The following ZNF679 variants were observed in gnomAD, a reference collection of about 807,000 sequenced individuals.
ZNF679 encodes zinc finger protein 679.
ZNF679 carries 10 observed loss-of-function variants against 13.4 expected under a neutral mutation model. The observed-to-expected ratio is 0.75, with a 90% CI of 0.46 to 1.27. ZNF679 has a LOEUF of 1.27. Ranked by LOEUF, ZNF679 falls within the 50% of genes most tolerant of loss-of-function variation. ZNF679 has a pLI of 0.00. For missense variants in ZNF679, 525 were observed against 477.8 expected (o/e 1.10, Z -0.92); for synonymous variants, 179 against 162.5 (o/e 1.10, Z -0.77).
Position 64,229,501 on chromosome 7 carries a change from T to C in ZNF679, c.-91+849T>C, listed in dbSNP as rs560493796. Among the ~76,000 whole-genome samples the C allele has an allele frequency of 2.4e-4, 37 of 152,258 alleles. 1 individual carries two copies. In the South Asian group the frequency reaches 7.1e-3, roughly 29 times the overall value. On this transcript the variant is annotated intron_variant, in intron 1 of 4. Coordinates refer to ENST00000421025, the MANE Select transcript of ZNF679 (RefSeq NM_153363.3). ...GTGGTCTGCATCCATATGTGAGATTTATAACCTCACCAGTGGGCTGTGTCT... is the reference window on the plus strand; with the variant it reads ...GTGGTCTGCATCCATATGTGAGATTCATAACCTCACCAGTGGGCTGTGTCT...
chr7:64,244,130 A>G (rs1349446234), intron 1 of ZNF679, among the ~76,000 whole-genome samples: 1 of 152,040 alleles, frequency 6.6e-6, no homozygotes, highest in African/African-American at 2.4e-5. Context: ...GGCATGTGCA[A>G]TGTCAGCTAC....
At chr7:64,235,771 A>G (rs779582793) in intron 1 of ZNF679, among the ~76,000 whole-genome samples, 1 of 150,678 alleles carries the variant, frequency 6.6e-6, no homozygotes, top group Non-Finnish European at 1.5e-5. Flanking sequence ...CCTGGGCGAC[A>G]AGAGCGAAAC....
intron 1 of ZNF679, among the ~76,000 whole-genome samples, chr7:64,244,490 G>T (rs1275247266): frequency 2.6e-5 from 4 of 151,672 alleles, no homozygotes. Context: ...GCGGCTCACC[G>T]CAACCTCAGC....
intron 1 of ZNF679, among the ~76,000 whole-genome samples, chr7:64,248,443 G>A (rs1375563940): frequency 6.6e-6 from 1 of 151,966 alleles, no homozygotes. Flanking sequence ...CCAACACCCT[G>A]GCTAAGTTTT....
In ZNF679 at chr7:64,249,177, C is replaced by T. The variant is rs148745340; in HGVS notation, c.39+21C>T. 2.3e-3 allele frequency: 3,743 copies of T among 1,614,002 alleles called. 50 individuals carry two copies. The African/African-American group carries it at 0.034, about 15-fold the overall frequency. On this transcript the variant is annotated intron_variant, in intron 2 of 4. Coordinates refer to ENST00000421025, the MANE Select transcript of ZNF679 (RefSeq NM_153363.3). Reference sequence around the variant, plus strand: ...AAATGGTGAGTGCTGGGTCTGTCACCGTGAGAGAGGGGTGAGGGCTGGTTG... The same window carrying T: ...AAATGGTGAGTGCTGGGTCTGTCACTGTGAGAGAGGGGTGAGGGCTGGTTG...
chr7:64,258,401 C>G (rs1191305190), intron 2 of ZNF679, among the ~76,000 whole-genome samples: 3 of 151,964 alleles, frequency 2.0e-5, no homozygotes, highest in African/African-American at 7.2e-5. Flanking sequence ...GAGCATGTCT[C>G]AGATCAAGAG....
At chr7:64,251,607 T>C (rs1361419492) in intron 2 of ZNF679, among the ~76,000 whole-genome samples, 2 of 152,190 alleles carry the variant, frequency 1.3e-5, no homozygotes, top group East Asian at 3.9e-4. Flanking sequence ...TACAGGGTAA[T>C]GTTTCTTCAG....
chr7:64,249,576 T>G (rs560005513), intron 2 of ZNF679, among the ~76,000 whole-genome samples: 1 of 152,288 alleles, frequency 6.6e-6, no homozygotes, highest in East Asian at 1.9e-4. Flanking sequence ...GTAAAAATAT[T>G]AGACAATTTG....
chr7:64,235,335 CAA>C (rs199571542), intron 1 of ZNF679, among the ~76,000 whole-genome samples: 9 of 122,614 alleles, frequency 7.3e-5, no homozygotes, highest in African/African-American at 6.0e-5. Context: ...TTCTGAGATA[CAA>C]AAAAAAAAAG....
intron 2 of ZNF679, among the ~76,000 whole-genome samples, chr7:64,250,000 C>T (rs1022929060): frequency 2.6e-5 from 4 of 152,026 alleles, no homozygotes; most frequent in Non-Finnish European, 5.9e-5. Context: ...CGCCACCGTG[C>T]CTGGCTAATT....
intron 1 of ZNF679, 44 bp downstream of exon 1, chr7:64,228,696 C>A (rs1041214944): frequency 6.6e-6 from 1 of 152,200 alleles, no homozygotes; most frequent in African/African-American, 2.4e-5. Flanking sequence ...TAACACTGGA[C>A]AGGATCCGTG....
chr7:64,234,675 G>A (rs1012203085), intron 1 of ZNF679, among the ~76,000 whole-genome samples: 5 of 152,144 alleles, frequency 3.3e-5, no homozygotes, highest in Admixed American at 6.5e-5. Flanking sequence ...GAGTCTTCTG[G>A]ACCCTGAACC....
chr7:64,229,213 T>C, intron 1 of ZNF679, among the ~76,000 whole-genome samples: 1 of 151,850 alleles, frequency 6.6e-6, no homozygotes, highest in Non-Finnish European at 1.5e-5. Context: ...TTACAGAGAG[T>C]GTCAACACAG....
intron 2 of ZNF679, among the ~76,000 whole-genome samples, chr7:64,255,227 C>G (rs756823545): frequency 2.6e-5 from 4 of 152,040 alleles, no homozygotes; most frequent in African/African-American, 9.7e-5. Context: ...AAAAGGAATT[C>G]TGATAACAGA....
rs549628509 is a variant in ZNF679 at position 64,262,937 on chromosome 7, C to T, written c.262+2008C>T. On this transcript the variant is annotated intron_variant, in intron 4 of 4. Transcript: ENST00000421025. Reference sequence around the variant, plus strand: ...TCATTTAACTATTTTGACCCCTGAGCAAAAATATTAAATTAAATTAAATTA... The same window carrying T: ...TCATTTAACTATTTTGACCCCTGAGTAAAAATATTAAATTAAATTAAATTA... Among the ~76,000 whole-genome samples, 7 of 152,160 alleles carry T rather than the reference C, an allele frequency of 4.6e-5. No homozygotes were observed. In the South Asian group the frequency reaches 1.5e-3, roughly 32 times the overall value.
chr7:64,252,854 A>T (rs959918385), intron 2 of ZNF679, among the ~76,000 whole-genome samples: 2 of 152,304 alleles, frequency 1.3e-5, no homozygotes, highest in South Asian at 2.1e-4. Context: ...GGTAGCTGGG[A>T]TTACAGGCAC....
chr7:64,238,638 T>C (rs1562840837), intron 1 of ZNF679, among the ~76,000 whole-genome samples: 1 of 152,212 alleles, frequency 6.6e-6, no homozygotes, highest in Non-Finnish European at 1.5e-5. Context: ...TCCATCTGCC[T>C]TGGCCTCCCA....
At chr7:64,262,991 G>T (rs1291689869) in intron 4 of ZNF679, among the ~76,000 whole-genome samples, 5 of 152,118 alleles carry the variant, frequency 3.3e-5, no homozygotes, top group Non-Finnish European at 7.4e-5. Context: ...ACATTGAAAA[G>T]TGTGTTTATT....
chr7:64,241,923 C>T (rs769087227), intron 1 of ZNF679, among the ~76,000 whole-genome samples: 3 of 152,178 alleles, frequency 2.0e-5, no homozygotes, highest in Non-Finnish European at 2.9e-5. Flanking sequence ...CACAATCACA[C>T]CTGCAGAAAG....
Sources: gnomAD v4.1 joint callset for allele counts (sites outside exome capture counted in the v4.1 genomes callset) on GRCh38, gnomAD v4.1.1 for gene constraint, MANE v1.5 for transcripts, NCBI Gene and HGNC (gene_info 2026-07-23, HGNC 2026-07-21) for gene names.